The following NEGR1 variants were observed in gnomAD, a reference collection of about 807,000 sequenced individuals.
The protein encoded by NEGR1 is neuronal growth regulator 1.
Under a neutral mutation model 40.9 loss-of-function variants are expected in NEGR1, and 10 were observed. The ratio of observed to expected loss-of-function variants is 0.24; its 90% CI spans 0.15 to 0.42. The LOEUF (loss-of-function observed/expected upper bound fraction) is 0.42. Ranked by LOEUF, NEGR1 falls within the 10% of genes least tolerant of loss-of-function variation. The pLI is 1.00. For synonymous variants in NEGR1, 185 were observed against 166.8 expected (o/e 1.11, Z -0.84); for missense variants, 352 against 438.9 (o/e 0.80, Z 1.77).
At chr1:72,166,089 T>G (rs1395392769) in intron 1 of NEGR1, among the ~76,000 whole-genome samples, 1 of 152,054 alleles carries the variant, frequency 6.6e-6, no homozygotes, top group Non-Finnish European at 1.5e-5. Context: ...CTTTTATCTA[T>G]GTGCCTTTAT....
chr1:71,722,144 A>T (rs1488938425), intron 3 of NEGR1, among the ~76,000 whole-genome samples: 1 of 152,104 alleles, frequency 6.6e-6, no homozygotes, highest in Non-Finnish European at 1.5e-5. Flanking sequence ...TCTCTGGAGA[A>T]TAGATTGAGG....
chr1:72,175,202 T>C lies in NEGR1; in HGVS notation c.176+107117A>G, dbSNP rs1378699468. ...TTAAATTATCTTGCAAATTATAAAG[T>C]TCTTTTAAATATAACAGATCATTAG... On this transcript the variant is annotated intron_variant, in intron 1 of 6. Coordinates refer to ENST00000357731, the MANE Select transcript of NEGR1 (RefSeq NM_173808.3). Among the ~76,000 whole-genome samples, 3 of 152,116 alleles carry C rather than the reference T, an allele frequency of 2.0e-5. No individual in the cohort carries two copies. In the East Asian group the frequency reaches 5.8e-4, roughly 29 times the overall value.
At chr1:71,520,454 T>C (rs571225426) in intron 6 of NEGR1, among the ~76,000 whole-genome samples, 2 of 152,144 alleles carry the variant, frequency 1.3e-5, no homozygotes, top group East Asian at 3.9e-4. Context: ...GAAATCTCCC[T>C]TGGACAGGCT....
chr1:71,499,471 A>G (rs942208196), intron 6 of NEGR1, among the ~76,000 whole-genome samples: 1 of 147,828 alleles, frequency 6.8e-6, no homozygotes, highest in Non-Finnish European at 1.5e-5. Flanking sequence ...AAATGTATAT[A>G]TTGTATATAA....
chr1:71,767,636 C>A (rs578217138), intron 3 of NEGR1, among the ~76,000 whole-genome samples: 2 of 152,224 alleles, frequency 1.3e-5, no homozygotes, highest in Admixed American at 6.5e-5. Flanking sequence ...TTCAGAGGAG[C>A]AATTCAAGAT....
At chr1:71,431,836 G>C (rs973681222) in intron 6 of NEGR1, among the ~76,000 whole-genome samples, 1 of 152,152 alleles carries the variant, frequency 6.6e-6, no homozygotes, top group Non-Finnish European at 1.5e-5. Context: ...CTTTTGCCTA[G>C]AGATTTAAAT....
At chr1:71,679,188 C>G (rs894396467) in intron 4 of NEGR1, among the ~76,000 whole-genome samples, 2 of 152,140 alleles carry the variant, frequency 1.3e-5, no homozygotes. Flanking sequence ...TCCTGTCTAT[C>G]CATGCTTCTT....
intron 1 of NEGR1, among the ~76,000 whole-genome samples, chr1:72,068,394 T>C (rs1264832981): frequency 6.6e-6 from 1 of 152,150 alleles, no homozygotes; most frequent in African/African-American, 2.4e-5. Flanking sequence ...TACCATATGC[T>C]TATAAAACCT....
intron 6 of NEGR1, among the ~76,000 whole-genome samples, chr1:71,575,782 CAAAACAAAAACA>C (rs1191329239): frequency 7.8e-6 from 1 of 128,064 alleles, no homozygotes; most frequent in Non-Finnish European, 1.7e-5. Context: ...GACTCCGGCT[CAAAACAAAAACA>C]AAAACAAAAC....
At chr1:71,689,684 C>T (rs1653185430) in intron 4 of NEGR1, among the ~76,000 whole-genome samples, 1 of 151,928 alleles carries the variant, frequency 6.6e-6, no homozygotes, top group African/African-American at 2.4e-5. Flanking sequence ...TATTAATCTT[C>T]ATTATACAGA....
intron 2 of NEGR1, among the ~76,000 whole-genome samples, chr1:71,849,100 A>AG (rs757140744): frequency 1.3e-5 from 2 of 152,094 alleles, no homozygotes; most frequent in African/African-American, 2.4e-5. Context: ...AAAAAAAAAA[A>AG]AGAAAAGAAA....
intron 4 of NEGR1, among the ~76,000 whole-genome samples, chr1:71,675,112 C>T (rs1336896208): frequency 3.3e-4 from 15 of 45,202 alleles, no homozygotes; most frequent in Non-Finnish European, 5.0e-4. Flanking sequence ...CATGTTTATT[C>T]ATATATATAT....
At position 71,592,927 on chromosome 1, in the gene NEGR1, C is replaced by T. The variant is rs138963902; in HGVS notation, c.830G>A (p.Ser277Asn). ...GQQGIIIQNF[S>N]TRSILTVTNV... ...GGTAACAGTGAGAATGGATCTTGTG[C>T]TAAAATTTTGAATAATAATTCCTTG... Residue 277 changes from serine (S) to asparagine (N), a missense_variant, in exon 6 of 7, where the codon AGC (serine) becomes AAC (asparagine). Transcript: ENST00000357731. 1.6e-4 allele frequency: 253 copies of T among 1,611,968 alleles called. 1 individual carries two copies. The African/African-American group carries it at 3.1e-3, about 20-fold the overall frequency.
chr1:71,438,238 T>G (rs1264079595), intron 6 of NEGR1, among the ~76,000 whole-genome samples: 3 of 152,220 alleles, frequency 2.0e-5, no homozygotes, highest in Non-Finnish European at 4.4e-5. Context: ...TTCTGATATC[T>G]GGGGCTGGCT....
At chr1:71,413,598 C>T (rs1646337527) in intron 6 of NEGR1, among the ~76,000 whole-genome samples, 1 of 152,136 alleles carries the variant, frequency 6.6e-6, no homozygotes, top group Non-Finnish European at 1.5e-5. Flanking sequence ...GATATGACCT[C>T]TTCCTTTTCT....
chr1:71,508,727 G>A (rs1176920636), intron 6 of NEGR1, among the ~76,000 whole-genome samples: 1 of 152,164 alleles, frequency 6.6e-6, no homozygotes, highest in Non-Finnish European at 1.5e-5. Flanking sequence ...TTCAGGGTTG[G>A]ACAGTAAACA....
intron 1 of NEGR1, among the ~76,000 whole-genome samples, chr1:72,048,501 T>C (rs976313208): frequency 4.0e-5 from 6 of 151,274 alleles, no homozygotes; most frequent in African/African-American, 1.2e-4. Context: ...GTTTCATAAA[T>C]TCTTAATACA....
chr1:71,563,917 G>T (rs1295177342), intron 6 of NEGR1, among the ~76,000 whole-genome samples: 1 of 151,610 alleles, frequency 6.6e-6, no homozygotes, highest in Non-Finnish European at 1.5e-5. Context: ...CTGACTATAG[G>T]TGACAGACGA....
chr1:71,737,437 GA>G, intron 3 of NEGR1, among the ~76,000 whole-genome samples: 1 of 151,630 alleles, frequency 6.6e-6, no homozygotes, highest in South Asian at 2.1e-4. Flanking sequence ...TTAAGATGTA[GA>G]CATGTTTTTG....
Sources: allele counts gnomAD v4.1 joint callset (sites outside exome capture counted in the v4.1 genomes callset), GRCh38; gene constraint gnomAD v4.1.1; transcripts MANE v1.5; gene names NCBI Gene and HGNC (gene_info 2026-07-23, HGNC 2026-07-21).